TRDN: variants seen among roughly 807,000 people sequenced by gnomAD.
TRDN encodes the protein triadin in skeletal muscle.
A neutral mutation model predicts 149.7 loss-of-function variants in TRDN; 161 were observed. The observed-to-expected ratio is 1.08, with a 90% CI of 0.95 to 1.23. TRDN has a LOEUF of 1.23. Among genes scored for constraint, TRDN ranks in the 50% most tolerant of loss-of-function variants. TRDN has a pLI of 0.00. For synonymous variants in TRDN, 294 were observed against 250.5 expected (o/e 1.17, Z -1.64); for missense variants, 896 against 823.5 (o/e 1.09, Z -1.08).
At chr6:123,406,801 A>G (rs1400554056) in intron 12 of TRDN, among the ~76,000 whole-genome samples, 2 of 152,216 alleles carry the variant, frequency 1.3e-5, no homozygotes, top group East Asian at 1.9e-4. Flanking sequence ...ATTATTTCAC[A>G]TAACAGGAAG....
chr6:123,272,404 C>A (rs1379110837), intron 29 of TRDN, among the ~76,000 whole-genome samples: 1 of 151,594 alleles, frequency 6.6e-6, no homozygotes, highest in African/African-American at 2.4e-5. Flanking sequence ...AAAATTAATT[C>A]ATAACCTTGT....
At chr6:123,501,996 TAC>T (rs1360150284) in intron 8 of TRDN, 1 of 984,978 alleles carries the variant, frequency 1.0e-6, no homozygotes, top group African/African-American at 1.7e-5. Context: ...CATCAAAAAA[TAC>T]ATTCACATTC....
At chr6:123,347,666 G>T (rs1056883898) in intron 21 of TRDN, among the ~76,000 whole-genome samples, 2 of 151,986 alleles carry the variant, frequency 1.3e-5, no homozygotes, top group Non-Finnish European at 2.9e-5. Context: ...TCAGAAGACA[G>T]CTTGTTCTTC....
rs80305564 is a variant in TRDN at position 123,267,830 on chromosome 6, T to A, written c.1739-79A>T. On this transcript the variant is annotated intron_variant, in intron 31 of 40. Coordinates refer to ENST00000334268, the MANE Select transcript of TRDN (RefSeq NM_006073.4). ...TTCTTATTTATATATTTGCAAGTGA[T>A]CCTCAGTTTACCCAAGAGGCATGCC... is the stretch of plus-strand genomic sequence containing the variant. The A allele has an allele frequency of 2.9e-3, 3,440 of 1,166,248 alleles. 123 individuals carry two copies. In the East Asian group the frequency reaches 0.075, roughly 25 times the overall value. 72.2% of individuals were successfully genotyped at this position (1,166,248 alleles called of 1,614,324 possible). A position where few individuals can be genotyped will look rare whatever the true frequency, so the allele number is the denominator to read the frequency against.
At chr6:123,485,238 C>T (rs1777923439) in intron 9 of TRDN, among the ~76,000 whole-genome samples, 1 of 152,136 alleles carries the variant, frequency 6.6e-6, no homozygotes, top group African/African-American at 2.4e-5. Flanking sequence ...ATGCAGCAAA[C>T]CTGTCTTTGT....
At chr6:123,415,562 A>C (rs1171289081) in intron 12 of TRDN, among the ~76,000 whole-genome samples, 1 of 152,200 alleles carries the variant, frequency 6.6e-6, no homozygotes, top group Non-Finnish European at 1.5e-5. Context: ...CCATATGTAA[A>C]TTTATATTTA....
intron 20 of TRDN, among the ~76,000 whole-genome samples, chr6:123,354,514 T>C (rs1330061242): frequency 1.3e-5 from 2 of 151,686 alleles, no homozygotes; most frequent in Non-Finnish European, 3.0e-5. Context: ...AAAAGGCAAA[T>C]TAAATCTGAA....
chr6:123,548,192 C>G (rs1781212030), intron 3 of TRDN, among the ~76,000 whole-genome samples: 2 of 151,780 alleles, frequency 1.3e-5, no homozygotes, highest in South Asian at 4.2e-4. Flanking sequence ...AATGAGACTC[C>G]CTTTGCTGTA....
At chr6:123,309,476 A>C (rs1040344087) in intron 24 of TRDN, among the ~76,000 whole-genome samples, 3 of 151,988 alleles carry the variant, frequency 2.0e-5, no homozygotes, top group African/African-American at 7.2e-5. Context: ...TAAGAAAATT[A>C]ATGTTCAGAA....
intron 12 of TRDN, among the ~76,000 whole-genome samples, chr6:123,428,172 G>A (rs13199404): frequency 0.14 from 20,928 of 151,990 alleles, 1,628 homozygotes; most frequent in African/African-American, 0.22. Context: ...CGAATGTTTT[G>A]GACAAAGTTT....
intron 1 of TRDN, among the ~76,000 whole-genome samples, chr6:123,620,996 C>T (rs2114710118): frequency 6.6e-6 from 1 of 152,212 alleles, no homozygotes; most frequent in East Asian, 1.9e-4. Context: ...AGATTCTAGT[C>T]ATGGAGTGTT....
intron 12 of TRDN, chr6:123,421,657 C>T (rs1297026445): frequency 6.6e-6 from 1 of 152,148 alleles, no homozygotes; most frequent in African/African-American, 2.4e-5. Flanking sequence ...AGGTGAGCGC[C>T]ACCATTTTTT....
intron 12 of TRDN, among the ~76,000 whole-genome samples, chr6:123,396,809 T>C (rs1054673207): frequency 6.6e-6 from 1 of 152,206 alleles, no homozygotes; most frequent in African/African-American, 2.4e-5. Context: ...TAAATATTAG[T>C]TTAATACGAT....
At chr6:123,538,262 G>A (rs1168128344) in intron 4 of TRDN, among the ~76,000 whole-genome samples, 1 of 151,800 alleles carries the variant, frequency 6.6e-6, no homozygotes. Flanking sequence ...CTTAAACATA[G>A]AATCTTTATA....
At chr6:123,517,658 A>C (rs73552152) in intron 5 of TRDN, among the ~76,000 whole-genome samples, 17,848 of 152,088 alleles carry the variant, frequency 0.12, 1,319 homozygotes, top group Non-Finnish European at 0.17. Context: ...GTAGCTCCAC[A>C]AGCACACCAC....
intron 1 of TRDN, among the ~76,000 whole-genome samples, chr6:123,574,891 T>C (rs1016256098): frequency 2.9e-5 from 3 of 102,880 alleles, no homozygotes; most frequent in African/African-American, 1.6e-4. Flanking sequence ...TATATATATA[T>C]ATACACACAT....
At chr6:123,224,185 A>G in intron 38 of TRDN, 54 bp from the exon 39 acceptor site, 1 of 1,551,946 alleles carries the variant, frequency 6.4e-7, no homozygotes, top group Non-Finnish European at 8.9e-7. Context: ...CAGTTTTCCC[A>G]GAGGAAGTAT....
intron 21 of TRDN, among the ~76,000 whole-genome samples, chr6:123,342,001 C>A (rs1421301403): frequency 1.3e-5 from 2 of 151,904 alleles, no homozygotes; most frequent in Non-Finnish European, 2.9e-5. Flanking sequence ...ATCTAAATAA[C>A]CTTTTCCTTT....
Position 123,497,202 on chromosome 6 carries a change from A to C in TRDN, c.844T>G (p.Leu282Val). ...GAATTGCTTGGAATACCTGGTTTTA[A>C]ATCCCCATGGACAAATATGTCAATC... ...YMIDIFVHGDLKPGQSPAIPP... is the reference protein window; with the variant it reads ...YMIDIFVHGDVKPGQSPAIPP... The change falls in exon 9 of 41, where the codon TTA (leucine) becomes GTA (valine). Residue 282 changes from leucine to valine, a missense_variant. Physicochemically the swap from Leu to Val is conservative, Grantham distance 32. Transcript: ENST00000334268. The C allele has an allele frequency of 6.4e-7, 1 of 1,554,950 alleles. No homozygotes were observed. Among genetic ancestry groups the C allele is most frequent in the Non-Finnish European group, 8.7e-7 (1 of 1,151,452 alleles).
Sources: allele counts gnomAD v4.1 joint callset (sites outside exome capture counted in the v4.1 genomes callset), GRCh38; gene constraint gnomAD v4.1.1; transcripts MANE v1.5; gene names NCBI Gene and HGNC (gene_info 2026-07-23, HGNC 2026-07-21).